Variants in ATG2B observed in about 807,000 individuals in gnomAD.
The protein encoded by ATG2B is autophagy related 2B.
In ATG2B, 121 loss-of-function variants were observed where a neutral mutation model predicts 241.3. The ratio of observed to expected loss-of-function variants is 0.50; its 90% CI spans 0.43 to 0.58. The LOEUF is 0.58. ATG2B is among the 20% of genes least tolerant of loss of function. The probability of loss-of-function intolerance (pLI) is 0.00; values close to 1 mark genes in which losing one functional copy is unlikely to be tolerated. For missense variants in ATG2B, 2,306 were observed against 2,491.6 expected, an observed-to-expected ratio of 0.93 and a Z score of 1.59; for synonymous variants, 858 against 876.6, an observed-to-expected ratio of 0.98 and a Z score of 0.37.
At chr14:96,354,449 A>G (rs1385635019) in intron 1 of ATG2B, among the ~76,000 whole-genome samples, 1 of 152,222 alleles carries the variant, frequency 6.6e-6, no homozygotes, top group African/African-American at 2.4e-5. Flanking sequence ...TGCAAAGGAC[A>G]TGATCTCATT....
chr14:96,355,386 T>A (rs1445706820), intron 1 of ATG2B, among the ~76,000 whole-genome samples: 1 of 152,168 alleles, frequency 6.6e-6, no homozygotes, highest in Non-Finnish European at 1.5e-5. Context: ...CATCAGGGAA[T>A]CCTTTCCGCA....
In ATG2B at chr14:96,289,271, C is replaced by T. The variant is rs1886418030; in HGVS notation, c.6006+385G>A. Among the ~76,000 whole-genome samples the T allele has an allele frequency of 6.6e-6, 1 of 152,180 alleles. No individual in the cohort carries two copies. The highest frequency in any genetic ancestry group is 2.4e-5 in the African/African-American group (1 of 41,446). On this transcript the variant is annotated intron_variant, in intron 41 of 41. Transcript: ENST00000359933. The surrounding 1 kb of genome is among the most constrained non-coding windows in gnomAD (Gnocchi z 4.3). Reference sequence around the variant, plus strand: ...TGTTCCACGTTCAGCATAGTGAAGGCATGGGAATAGGATCAGGGTGGGAGA... The same window carrying T: ...TGTTCCACGTTCAGCATAGTGAAGGTATGGGAATAGGATCAGGGTGGGAGA...
At chr14:96,335,461 A>G (rs1173167823) in intron 6 of ATG2B, among the ~76,000 whole-genome samples, 1 of 152,222 alleles carries the variant, frequency 6.6e-6, no homozygotes, top group African/African-American at 2.4e-5. Context: ...TTTTATTTTT[A>G]GCATTGGGGT....
Position 96,312,858 on chromosome 14 carries a change from T to C in ATG2B, c.3842+207A>G, listed in dbSNP as rs573805594. 4.6e-5 allele frequency among the ~76,000 whole-genome samples: 7 copies of C among 152,322 alleles called. No homozygotes were observed. The East Asian group carries it at 1.3e-3, about 29-fold the overall frequency. On this transcript the variant is annotated intron_variant, in intron 25 of 41. Coordinates refer to ENST00000359933, the MANE Select transcript of ATG2B (RefSeq NM_018036.7). ...TTTTTAAAGAATCTCCAGAATTAAT[T>C]TCTTCCCTAAAAATGAAATGCAATA...
At chr14:96,340,701 C>T (rs1396803274) in intron 6 of ATG2B, among the ~76,000 whole-genome samples, 1 of 151,864 alleles carries the variant, frequency 6.6e-6, no homozygotes, top group Admixed American at 6.6e-5. Context: ...CTGCTTCAGC[C>T]CAGGAGTTCA....
chr14:96,289,831 A>C lies in ATG2B; in HGVS notation c.5857-26T>G. 1 of 1,613,082 alleles carries C rather than the reference A, an allele frequency of 6.2e-7. No individual in the cohort carries two copies. Among genetic ancestry groups the C allele is most frequent in the Non-Finnish European group, 8.5e-7 (1 of 1,179,388 alleles). On this transcript the variant is annotated intron_variant, in intron 40 of 41. Coordinates refer to ENST00000359933, the MANE Select transcript of ATG2B (RefSeq NM_018036.7). This position sits in a 1 kb window ranked among gnomAD's most constrained non-coding sequence, Gnocchi z 4.3. Reference sequence around the variant, plus strand: ...CTGGATCATTTTGTCAAAAGGAAGAAATGAATTAGAAGAAAGTCTGAAGAG... The same window carrying C: ...CTGGATCATTTTGTCAAAAGGAAGACATGAATTAGAAGAAAGTCTGAAGAG...
chr14:96,301,440 AC>A (rs1367841646), intron 34 of ATG2B, among the ~76,000 whole-genome samples: 2 of 152,216 alleles, frequency 1.3e-5, no homozygotes, highest in African/African-American at 2.4e-5. Flanking sequence ...TGGAAGAGGC[AC>A]CAGCTATGTT....
intron 1 of ATG2B, among the ~76,000 whole-genome samples, chr14:96,354,865 T>C (rs1271495528): frequency 6.6e-6 from 1 of 152,234 alleles, no homozygotes; most frequent in Non-Finnish European, 1.5e-5. Context: ...TATCTCATTG[T>C]GGTTTTGATT....
chr14:96,299,211 C>A (rs1886725293), intron 34 of ATG2B, among the ~76,000 whole-genome samples: 1 of 152,094 alleles, frequency 6.6e-6, no homozygotes, highest in Admixed American at 6.5e-5. Context: ...GGTATCTTTA[C>A]AAAAATCTTC....
At chr14:96,287,678 C>T (rs763701554) in intron 41 of ATG2B, among the ~76,000 whole-genome samples, 25 of 152,194 alleles carry the variant, frequency 1.6e-4, no homozygotes, top group Admixed American at 1.1e-3. Context: ...TACTACCACC[C>T]TCGTAAGTGC....
intron 1 of ATG2B, 29 bp downstream of exon 1, chr14:96,362,786 C>T (rs962701631): frequency 6.3e-7 from 1 of 1,583,666 alleles, no homozygotes; most frequent in Non-Finnish European, 8.6e-7. Context: ...GGAGCGAGCC[C>T]CGCCCGGCTC....
At chr14:96,359,006 T>C (rs906145028) in intron 1 of ATG2B, among the ~76,000 whole-genome samples, 1 of 152,198 alleles carries the variant, frequency 6.6e-6, no homozygotes, top group African/African-American at 2.4e-5. Flanking sequence ...CAATGTTTCT[T>C]GAACTGAAGA....
At chr14:96,332,805 T>C (rs1887776548) in intron 8 of ATG2B, 150 bp from the exon 9 acceptor site, 1 of 477,052 alleles carries the variant, frequency 2.1e-6, no homozygotes, top group Non-Finnish European at 3.4e-6. Context: ...AGTGGTGTAA[T>C]TTATGAGTCC....
chr14:96,318,428 T>C (rs555324003), intron 18 of ATG2B: 5 of 152,246 alleles, frequency 3.3e-5, no homozygotes, highest in Admixed American at 6.5e-5. Flanking sequence ...GTCCAGATTA[T>C]GTAGATTACA....
At chr14:96,359,530 T>A (rs1389544297) in intron 1 of ATG2B, among the ~76,000 whole-genome samples, 1 of 152,158 alleles carries the variant, frequency 6.6e-6, no homozygotes, top group African/African-American at 2.4e-5. Context: ...ATGTACTGAA[T>A]CGATTAATGA....
At chr14:96,332,233 G>C in intron 10 of ATG2B, 72 bp downstream of exon 10, 1 of 1,089,334 alleles carries the variant, frequency 9.2e-7, no homozygotes, top group Non-Finnish European at 1.3e-6. Context: ...AAAAAAGAAA[G>C]AAAAGCACCA....
Position 96,362,812 on chromosome 14 carries a change from T to C in ATG2B, c.162+3A>G, listed in dbSNP as rs747037166. On this transcript the variant is annotated splice_donor_region_variant and intron_variant, in intron 1 of 41. Coordinates refer to ENST00000359933, the MANE Select transcript of ATG2B (RefSeq NM_018036.7). The stretch of plus-strand genomic sequence containing the variant: ...CGCCCGGCTCGCCGCCGGCAGCTCT[T>C]ACCCATTTGTCCAAGGGGACCTGGG... 3 of 1,599,718 alleles carry C rather than the reference T, an allele frequency of 1.9e-6. No individual in the cohort carries two copies. The highest frequency in any genetic ancestry group is 1.7e-5 in the Admixed American group (1 of 58,774).
chr14:96,314,257 T>A (rs902224359), intron 23 of ATG2B, among the ~76,000 whole-genome samples: 1 of 152,172 alleles, frequency 6.6e-6, no homozygotes, highest in Admixed American at 6.5e-5. Flanking sequence ...AATTAAGAAG[T>A]TCTCCTTTAT....
rs934343081 is a variant in ATG2B at position 96,351,661 on chromosome 14, G to A, written c.163-4320C>T. ...TGAGGTAGGAGAATCACTTGAACCCGGGAGGCGGAAGTTACCGTGAGCCGA... is the reference window on the plus strand; with the variant it reads ...TGAGGTAGGAGAATCACTTGAACCCAGGAGGCGGAAGTTACCGTGAGCCGA... On this transcript the variant is annotated intron_variant, in intron 1 of 41. Coordinates refer to ENST00000359933, the MANE Select transcript of ATG2B (RefSeq NM_018036.7). Among the ~76,000 whole-genome samples, 81 of 151,758 alleles carry A rather than the reference G, an allele frequency of 5.3e-4. 1 individual carries two copies. The highest frequency in any genetic ancestry group is 2.9e-4 in the Non-Finnish European group (20 of 67,934).
Sources: gnomAD v4.1 joint callset for allele counts (sites outside exome capture counted in the v4.1 genomes callset) on GRCh38, gnomAD v4.1.1 for gene constraint, Gnocchi (gnomAD v3.1) non-coding constraint, MANE v1.5 for transcripts, NCBI Gene and HGNC (gene_info 2026-07-23, HGNC 2026-07-21) for gene names.